CDH12: variants seen among roughly 807,000 people sequenced by gnomAD.
CDH12 encodes cadherin-12.
Under a neutral mutation model 74.1 loss-of-function variants are expected in CDH12, and 41 were observed. That is an observed-to-expected ratio of 0.55 (90% CI 0.43 to 0.72). The LOEUF (loss-of-function observed/expected upper bound fraction) is 0.72, where lower values mean the gene tolerates loss of function less well. Among genes scored for constraint, CDH12 ranks in the 30% least tolerant of loss-of-function variants. The pLI is 0.00. For missense variants in CDH12, 945 were observed against 977.2 expected (o/e 0.97, Z 0.44); for synonymous variants, 399 against 355.0 (o/e 1.12, Z -1.39).
chr5:22,294,773 C>T (rs1270148717), intron 3 of CDH12, among the ~76,000 whole-genome samples: 1 of 152,180 alleles, frequency 6.6e-6, no homozygotes, highest in Admixed American at 6.5e-5. Flanking sequence ...CAGGTTTCTT[C>T]CCGACTATAG....
At chr5:22,036,489 T>C (rs28414276) in intron 5 of CDH12, among the ~76,000 whole-genome samples, 34,874 of 152,066 alleles carry the variant, frequency 0.23, 4,124 homozygotes, top group South Asian at 0.33. Context: ...TGGCTAACTG[T>C]TCACGAACAG....
chr5:22,812,037 T>G (rs371502093), intron 1 of CDH12, among the ~76,000 whole-genome samples: 3 of 152,084 alleles, frequency 2.0e-5, no homozygotes, highest in Admixed American at 2.0e-4. Context: ...CTGTTTTTAT[T>G]GGGCTGGATT....
At chr5:22,331,193 G>T (rs1040148746) in intron 3 of CDH12, among the ~76,000 whole-genome samples, 9 of 152,188 alleles carry the variant, frequency 5.9e-5, no homozygotes, top group African/African-American at 1.9e-4. Flanking sequence ...ATTCCTGGCT[G>T]CCAGATAGCA....
chr5:22,094,176 TC>T (rs1253646456), intron 4 of CDH12, among the ~76,000 whole-genome samples: 9 of 152,108 alleles, frequency 5.9e-5, no homozygotes, highest in Admixed American at 4.6e-4. Context: ...GGCAGCACAC[TC>T]CTTTAAACAT....
chr5:22,376,539 G>A (rs1470563066), intron 3 of CDH12, among the ~76,000 whole-genome samples: 1 of 151,950 alleles, frequency 6.6e-6, no homozygotes, highest in Non-Finnish European at 1.5e-5. Flanking sequence ...ACATTCCATT[G>A]TAATTTTTTT....
intron 1 of CDH12, among the ~76,000 whole-genome samples, chr5:22,696,531 T>C (rs1165628546): frequency 2.6e-5 from 4 of 152,168 alleles, no homozygotes; most frequent in Non-Finnish European, 5.9e-5. Context: ...TTAATACATG[T>C]TTTTAATACA....
chr5:21,797,175 C>T (rs897803303), intron 10 of CDH12, among the ~76,000 whole-genome samples: 4 of 151,528 alleles, frequency 2.6e-5, no homozygotes, highest in Admixed American at 6.6e-5. Context: ...TGGCTCTTTG[C>T]TGTGCTTAGT....
At chr5:21,965,693 GT>G (rs1277008607) in intron 6 of CDH12, among the ~76,000 whole-genome samples, 2 of 151,586 alleles carry the variant, frequency 1.3e-5, no homozygotes, top group Admixed American at 6.6e-5. Flanking sequence ...TTCTGAGGAA[GT>G]TTTCTGTAAT....
intron 1 of CDH12, among the ~76,000 whole-genome samples, chr5:22,829,635 A>T (rs1166174294): frequency 1.3e-5 from 2 of 152,324 alleles, no homozygotes; most frequent in African/African-American, 4.8e-5. Context: ...GACATGTGAA[A>T]TGCTCATATT....
At chr5:22,427,215 T>C (rs1360616946) in intron 2 of CDH12, among the ~76,000 whole-genome samples, 1 of 152,304 alleles carries the variant, frequency 6.6e-6, no homozygotes, top group African/African-American at 2.4e-5. Context: ...TCACCCAGGC[T>C]GGAGTGCAGT....
intron 1 of CDH12, among the ~76,000 whole-genome samples, chr5:22,525,521 G>A (rs1737229460): frequency 7.3e-6 from 1 of 137,430 alleles, no homozygotes; most frequent in Non-Finnish European, 1.6e-5. Flanking sequence ...AGGAATGAAG[G>A]AAAGAAGGGA....
intron 2 of CDH12, among the ~76,000 whole-genome samples, chr5:22,442,022 G>A (rs754935874): frequency 2.6e-5 from 4 of 152,046 alleles, no homozygotes; most frequent in Admixed American, 6.6e-5. Flanking sequence ...TGTATTCAAT[G>A]TAACCCAGAA....
At chr5:22,386,372 C>T (rs1017610317) in intron 3 of CDH12, among the ~76,000 whole-genome samples, 46 of 152,230 alleles carry the variant, frequency 3.0e-4, no homozygotes, top group African/African-American at 1.1e-3. Flanking sequence ...TGCCTAATAA[C>T]ATTAACCAAA....
chr5:22,513,845 G>A (rs958778387), intron 1 of CDH12, among the ~76,000 whole-genome samples: 3 of 151,604 alleles, frequency 2.0e-5, no homozygotes, highest in South Asian at 2.1e-4. Flanking sequence ...CTACTTAGGA[G>A]GTTGAGGTAA....
At chr5:22,724,279 T>C (rs571881411) in intron 1 of CDH12, among the ~76,000 whole-genome samples, 1 of 151,988 alleles carries the variant, frequency 6.6e-6, no homozygotes, top group East Asian at 1.9e-4. Context: ...GGTGAGTTTG[T>C]GTTAATGGGT....
In CDH12 at chr5:21,816,928, A is replaced by C. The variant is rs757193830; in HGVS notation, c.1002+17T>G. ...TTATTATTTAGTAGTCAACTGTCCC[A>C]ACATTTGTCTATATACCTTTTTCAA... On this transcript the variant is annotated intron_variant, in intron 9 of 14. Transcript: ENST00000382254. The C allele has an allele frequency of 6.7e-7, 1 of 1,498,262 alleles. No homozygotes were observed. The highest frequency in any genetic ancestry group is 9.1e-7 in the Non-Finnish European group (1 of 1,099,780). The allele number at this position is 1,498,262 out of a possible 1,614,324, so 92.8% of individuals were successfully genotyped here.
intron 2 of CDH12, among the ~76,000 whole-genome samples, chr5:22,504,075 C>CA (rs1272181731): frequency 2.6e-5 from 4 of 151,580 alleles, no homozygotes; most frequent in Non-Finnish European, 5.9e-5. Flanking sequence ...AAATTTTCTA[C>CA]AAAAAATGCA....
chr5:22,338,137 G>A (rs1240696274), intron 3 of CDH12, among the ~76,000 whole-genome samples: 1 of 152,154 alleles, frequency 6.6e-6, no homozygotes, highest in Admixed American at 6.6e-5. Context: ...ATAGCATACT[G>A]TTCCTTATAG....
intron 4 of CDH12, among the ~76,000 whole-genome samples, chr5:22,208,578 T>C (rs550495382): frequency 6.6e-6 from 1 of 152,342 alleles, no homozygotes; most frequent in South Asian, 2.1e-4. Context: ...CCACATGGCA[T>C]TTCAAATTTA....
Sources: allele counts gnomAD v4.1 joint callset (sites outside exome capture counted in the v4.1 genomes callset), GRCh38; gene constraint gnomAD v4.1.1; transcripts MANE v1.5; gene names NCBI Gene and HGNC (gene_info 2026-07-23, HGNC 2026-07-21).